Variants in RBPJ observed in about 807,000 individuals in gnomAD.
RBPJ encodes the protein recombination signal binding protein for immunoglobulin kappa J region.
RBPJ carries 9 observed loss-of-function variants against 67.8 expected under a neutral mutation model. The ratio of observed to expected loss-of-function variants is 0.13; its 90% CI spans 0.08 to 0.23. RBPJ has a LOEUF of 0.23. Among genes scored for constraint, RBPJ ranks in the 10% least tolerant of loss-of-function variants. RBPJ has a pLI of 1.00. For missense variants in RBPJ, 305 were observed against 595.6 expected (o/e 0.51, Z 5.08); for synonymous variants, 198 against 203.3 (o/e 0.97, Z 0.22).
chr4:26,305,407 T>A (rs1722201257), intron 1 of RBPJ, among the ~76,000 whole-genome samples: 1 of 152,218 alleles, frequency 6.6e-6, no homozygotes, highest in South Asian at 2.1e-4. Context: ...GTGGAATAAT[T>A]TGGTGAGTGT....
At chr4:26,142,138 A>G in the RBPJ span, among the ~76,000 whole-genome samples, 2 of 152,260 alleles carry the variant, frequency 1.3e-5, 1 homozygote, top group East Asian at 3.8e-4. Flanking sequence ...CAGGAGCCCC[A>G]CTGCTAAGGG....
At chr4:26,153,318 G>A in the RBPJ span, among the ~76,000 whole-genome samples, 4 of 152,182 alleles carry the variant, frequency 2.6e-5, no homozygotes, top group African/African-American at 9.7e-5. Flanking sequence ...AACCGTTAAT[G>A]CAGTGAAAAA....
chr4:26,365,652 C>CAT (rs549706873), intron 1 of RBPJ, among the ~76,000 whole-genome samples: 138 of 152,286 alleles, frequency 9.1e-4, no homozygotes, highest in African/African-American at 3.0e-3. Context: ...TTCCCTTAGT[C>CAT]ATAGACATCC....
chr4:26,181,160 G>A (rs551739732), intron 1 of RBPJ, among the ~76,000 whole-genome samples: 1 of 152,228 alleles, frequency 6.6e-6, no homozygotes, highest in South Asian at 2.1e-4. Context: ...TATTAGCAGC[G>A]TTGGGAACAG....
chr4:26,117,766 A>ACACAT, the RBPJ span, among the ~76,000 whole-genome samples: 21 of 152,220 alleles, frequency 1.4e-4, no homozygotes, highest in Non-Finnish European at 2.9e-4. Flanking sequence ...GTGAAGAAGT[A>ACACAT]ACAAGTCAAT....
rs115665082 is a variant in RBPJ, at chr4:26,198,569, T to C, written c.-167+34955T>C. ...TATCTTGTGCCAGACCCTGTTCTATTTGAATATATTAACTCAATTATTTCT... is the reference window on the plus strand; with the variant it reads ...TATCTTGTGCCAGACCCTGTTCTATCTGAATATATTAACTCAATTATTTCT... On this transcript the variant is annotated intron_variant, in intron 1 of 4. Coordinates refer to the RBPJ transcript ENST00000512351. 7.9e-4 allele frequency among the ~76,000 whole-genome samples: 120 copies of C among 152,338 alleles called. 1 individual carries two copies. Among genetic ancestry groups the C allele is most frequent in the African/African-American group, 2.7e-3 (114 of 41,574 alleles).
At chr4:26,292,703 C>T (rs1467484635) in intron 1 of RBPJ, among the ~76,000 whole-genome samples, 2 of 150,218 alleles carry the variant, frequency 1.3e-5, no homozygotes, top group Admixed American at 6.6e-5. Flanking sequence ...ATTACAGGTG[C>T]GAGCCACTGA....
chr4:26,131,797 A>C, the RBPJ span, among the ~76,000 whole-genome samples: 1 of 152,100 alleles, frequency 6.6e-6, no homozygotes, highest in Admixed American at 6.5e-5. Context: ...GCTGGGAGAG[A>C]ATGAATTCTG....
chr4:26,400,073 A>T (rs1248582446), intron 2 of RBPJ, among the ~76,000 whole-genome samples: 1 of 152,248 alleles, frequency 6.6e-6, no homozygotes. Flanking sequence ...TCAAAAAAAC[A>T]GTTCAATAAT....
At position 26,424,025 on chromosome 4, in the gene RBPJ, T is replaced by C. The variant is rs1467092321; in HGVS notation, c.497-317T>C. ...AGATACACATCCTTTCAATAGGTCA[T>C]CATTTAAATTTCTACTGTCTAACAT... On this transcript the variant is annotated intron_variant, in intron 5 of 10. Transcript: ENST00000355476. This position sits in a 1 kb window ranked among gnomAD's most constrained non-coding sequence, Gnocchi z 5.3. 6.6e-6 allele frequency among the ~76,000 whole-genome samples: 1 copy of C among 152,236 alleles called. No individual in the cohort carries two copies. Among genetic ancestry groups the C allele is most frequent in the Non-Finnish European group, 1.5e-5 (1 of 68,034 alleles).
chr4:26,285,130 C>G (rs945390293), intron 1 of RBPJ, among the ~76,000 whole-genome samples: 10 of 152,168 alleles, frequency 6.6e-5, no homozygotes, highest in African/African-American at 1.9e-4. Flanking sequence ...GCTGGGATTA[C>G]AGGTGTGAGC....
intron 1 of RBPJ, among the ~76,000 whole-genome samples, chr4:26,356,717 G>T (rs1396792340): frequency 6.6e-6 from 1 of 151,964 alleles, no homozygotes; most frequent in African/African-American, 2.4e-5. Context: ...TTCCCATTTG[G>T]TGCCCAACTA....
At chr4:26,194,759 C>A (rs1012089181) in intron 1 of RBPJ, among the ~76,000 whole-genome samples, 1 of 152,248 alleles carries the variant, frequency 6.6e-6, no homozygotes, top group Admixed American at 6.5e-5. Context: ...GCTCAACTTT[C>A]ATCTCAGAGC....
intron 1 of RBPJ, among the ~76,000 whole-genome samples, chr4:26,374,467 G>T (rs192460465): frequency 7.2e-6 from 1 of 138,786 alleles, no homozygotes; most frequent in African/African-American, 2.6e-5. Context: ...ATTCATATCC[G>T]GTCACCCTTT....
chr4:26,255,789 A>C (rs985137424), intron 1 of RBPJ, among the ~76,000 whole-genome samples: 8 of 148,702 alleles, frequency 5.4e-5, no homozygotes, highest in Non-Finnish European at 8.9e-5. Flanking sequence ...GCAACAGAGC[A>C]AGACTCCGTC....
At chr4:26,358,357 A>G (rs1727630344) in intron 1 of RBPJ, among the ~76,000 whole-genome samples, 1 of 152,100 alleles carries the variant, frequency 6.6e-6, no homozygotes, top group Non-Finnish European at 1.5e-5. Flanking sequence ...ACCATAAGGA[A>G]GTGTAATAGG....
Position 26,342,265 on chromosome 4 carries a change from CAAAAAAA to C in RBPJ, c.20+21229_20+21235del, listed in dbSNP as rs60781954. Among the ~76,000 whole-genome samples, 9 of 114,120 alleles carry C rather than the reference CAAAAAAA, an allele frequency of 7.9e-5. No homozygotes were observed. The South Asian group carries it at 2.3e-3, about 30-fold the overall frequency. The allele number at this position is 114,120 out of a possible 152,430, so 74.9% of individuals were successfully genotyped here. ...TACAAATGCTGAACACCTGGGTTATCAAAAAAAAAAAAAAAAAAGGGAATGTGGTGTT... is the reference window on the plus strand; with the variant it reads ...TACAAATGCTGAACACCTGGGTTATCAAAAAAAAAAAGGGAATGTGGTGTT... On this transcript the variant is annotated intron_variant, in intron 1 of 10. Transcript: ENST00000355476.
At chr4:26,315,914 CT>C (rs1450936433), upstream of RBPJ, among the ~76,000 whole-genome samples, 3 of 151,996 alleles carry the variant, frequency 2.0e-5, no homozygotes, top group African/African-American at 7.3e-5. Flanking sequence ...AAAAATATGG[CT>C]TTTTTTGCCC....
intron 1 of RBPJ, among the ~76,000 whole-genome samples, chr4:26,372,815 A>G (rs1469751904): frequency 6.6e-6 from 1 of 152,244 alleles, no homozygotes; most frequent in African/African-American, 2.4e-5. Context: ...AGCAGCTTGC[A>G]GTTAGATCTT....
Sources: gnomAD v4.1 joint callset for allele counts (sites outside exome capture counted in the v4.1 genomes callset) on GRCh38, gnomAD v4.1.1 for gene constraint, Gnocchi (gnomAD v3.1) non-coding constraint, MANE v1.5 for transcripts, NCBI Gene and HGNC (gene_info 2026-07-23, HGNC 2026-07-21) for gene names.